Variants in MICAL3 observed in about 807,000 individuals in gnomAD.
The protein encoded by MICAL3 is microtubule associated monooxygenase, calponin and LIM domain containing 3, also known as [F-actin]-monooxygenase MICAL3.
MICAL3 carries 62 observed loss-of-function variants against 207.4 expected under a neutral mutation model. That is an observed-to-expected ratio of 0.30 (90% CI 0.24 to 0.37). The LOEUF is 0.37. Among genes scored for constraint, MICAL3 ranks in the 10% least tolerant of loss-of-function variants. MICAL3 has a pLI of 1.00. For synonymous variants in MICAL3, 1,077 were observed against 1,069.3 expected (o/e 1.01, Z -0.14); for missense variants, 2,368 against 2,635.6 (o/e 0.90, Z 2.22).
chr22:18,018,113 A>G (rs1468434407), intron 1 of MICAL3, among the ~76,000 whole-genome samples: 3 of 151,964 alleles, frequency 2.0e-5, no homozygotes, highest in African/African-American at 7.3e-5. Flanking sequence ...TGACCTCGTG[A>G]TCCGCCTGCC....
chr22:17,877,815 T>G (rs1205333720), intron 16 of MICAL3, among the ~76,000 whole-genome samples: 3 of 152,086 alleles, frequency 2.0e-5, no homozygotes, highest in Non-Finnish European at 4.4e-5. Context: ...TCACTGCCAA[T>G]CTCTCCTATT....
intron 19 of MICAL3, chr22:17,864,693 T>G (rs1393932713): frequency 1.9e-6 from 3 of 1,611,624 alleles, no homozygotes; most frequent in South Asian, 2.2e-5. Context: ...CCCCTCTGAT[T>G]TGCACCAGCA....
At chr22:17,974,634 G>T (rs1312140107) in intron 1 of MICAL3, among the ~76,000 whole-genome samples, 1 of 150,670 alleles carries the variant, frequency 6.6e-6, no homozygotes, top group Non-Finnish European at 1.5e-5. Flanking sequence ...TGAGGCAGGA[G>T]AATCGCTTGA....
intron 11 of MICAL3, 123 bp from the exon 12 acceptor site, chr22:17,891,755 C>G (rs1930409650): frequency 9.9e-6 from 8 of 807,578 alleles, no homozygotes; most frequent in Middle Eastern, 3.2e-4. Flanking sequence ...AAACAGTCAA[C>G]ACTAGTTTCC....
intron 1 of MICAL3, among the ~76,000 whole-genome samples, chr22:17,935,699 C>A (rs546329743): frequency 1.3e-5 from 2 of 152,270 alleles, no homozygotes; most frequent in South Asian, 4.1e-4. Context: ...GGGCTAATAT[C>A]CAGAATTTAC....
chr22:18,020,613 T>TAAAAAAAAAAAAAAA (rs55654559), intron 1 of MICAL3, among the ~76,000 whole-genome samples: 3 of 119,734 alleles, frequency 2.5e-5, no homozygotes, highest in Non-Finnish European at 3.4e-5. Flanking sequence ...CTTTAAAAAG[T>TAAAAAAAAAAAAAAA]AAAAAAAAAA....
At chr22:17,997,676 C>G (rs60293639) in intron 1 of MICAL3, among the ~76,000 whole-genome samples, 6,911 of 152,188 alleles carry the variant, frequency 0.045, 509 homozygotes, top group African/African-American at 0.16. Context: ...TTGAACCCAG[C>G]CCTGCTTTCA....
intron 1 of MICAL3, among the ~76,000 whole-genome samples, chr22:17,931,688 G>A (rs1041136771): frequency 1.3e-5 from 2 of 152,218 alleles, no homozygotes; most frequent in Non-Finnish European, 2.9e-5. Flanking sequence ...GACATGTGGA[G>A]GAAGGGCAGG....
intron 1 of MICAL3, among the ~76,000 whole-genome samples, chr22:17,923,818 C>G (rs1932852554): frequency 1.3e-5 from 2 of 152,202 alleles, no homozygotes; most frequent in South Asian, 4.1e-4. Flanking sequence ...AAGTCTAACT[C>G]CAGGGAAGCC....
At chr22:17,801,776 C>A (rs2061942529) in intron 29 of MICAL3, among the ~76,000 whole-genome samples, 1 of 152,050 alleles carries the variant, frequency 6.6e-6, no homozygotes, top group Non-Finnish European at 1.5e-5. Flanking sequence ...TACCCGTAAT[C>A]CCAGCTACTC....
rs12484946 is a variant in MICAL3, at chr22:17,876,443, C to T, written c.2242-4420G>A. The T allele has an allele frequency of 3.3e-3, 505 of 152,496 alleles. 9 individuals are homozygous for T. Among genetic ancestry groups the T allele is most frequent in the Admixed American group, 0.03 (462 of 15,300 alleles). 9.4% of individuals were successfully genotyped at this position (152,496 alleles called of 1,614,324 possible). A position where few individuals can be genotyped will look rare whatever the true frequency, so the allele number is the denominator to read the frequency against. On this transcript the variant is annotated intron_variant, in intron 16 of 31. Coordinates refer to ENST00000441493, the MANE Select transcript of MICAL3 (RefSeq NM_015241.3). ...TGCACTTCATAGCTCCGTGGGGTGG[C>T]GACATAGACTGGCAGTTACCTGGTA...
At chr22:17,816,530 G>T (rs563346027) in intron 27 of MICAL3, among the ~76,000 whole-genome samples, 160 bp downstream of exon 27, 1 of 152,346 alleles carries the variant, frequency 6.6e-6, no homozygotes, top group African/African-American at 2.4e-5. Context: ...CAGCGTGACC[G>T]CCTCAGTGCA....
At chr22:17,942,680 T>C (rs1271601568) in intron 1 of MICAL3, among the ~76,000 whole-genome samples, 1 of 152,226 alleles carries the variant, frequency 6.6e-6, no homozygotes, top group Non-Finnish European at 1.5e-5. Context: ...GGCCTCACAC[T>C]AGGCTTCCAG....
At position 17,896,892 on chromosome 22, in the gene MICAL3, A is replaced by G. The variant is rs973271098; in HGVS notation, c.1038T>C (p.Ser346=). 4 of 1,614,074 alleles carry G rather than the reference A, an allele frequency of 2.5e-6. No individual in the cohort carries two copies. Among genetic ancestry groups the G allele is most frequent in the Non-Finnish European group, 3.4e-6 (4 of 1,179,940 alleles). Residue 346 remains serine, a synonymous_variant, in exon 8 of 32, where the codon TCT becomes TCC. Transcript: ENST00000441493. ...CCAGAGACGGCAGCTGCTGCTGGGT[A>G]GAGAAGTCTGCCGCCTCCCTGGCAT... The part of the protein sequence containing the change: ...LSYAREAADF[S]TQQQLPSLDF...
chr22:17,996,681 A>G (rs401910), intron 1 of MICAL3, among the ~76,000 whole-genome samples: 90,825 of 151,968 alleles, frequency 0.6, 27,856 homozygotes, highest in African/African-American at 0.73. Context: ...GCTGAATTCT[A>G]AAGACTGGAA....
chr22:17,954,914 C>T lies in MICAL3; in HGVS notation c.-74-48028G>A, dbSNP rs563914992. On this transcript the variant is annotated intron_variant, in intron 1 of 31. Coordinates refer to ENST00000441493, the MANE Select transcript of MICAL3 (RefSeq NM_015241.3). ...AATTTTTGTATTTTTAGTAGAGACGCTGTTTCACCATGTTGGCTAGGCTGG... is the reference window on the plus strand; with the variant it reads ...AATTTTTGTATTTTTAGTAGAGACGTTGTTTCACCATGTTGGCTAGGCTGG... Among the ~76,000 whole-genome samples, 7 of 151,954 alleles carry T rather than the reference C, an allele frequency of 4.6e-5. 1 individual carries two copies. The highest frequency in any genetic ancestry group is 8.8e-5 in the Non-Finnish European group (6 of 67,980).
chr22:17,794,201 A>G (rs1484029570), intron 29 of MICAL3, among the ~76,000 whole-genome samples: 1 of 152,230 alleles, frequency 6.6e-6, no homozygotes, highest in Non-Finnish European at 1.5e-5. Flanking sequence ...TCAGGAGGGC[A>G]GTGGCATCTG....
chr22:17,892,425 G>A (rs1432822410), intron 11 of MICAL3, among the ~76,000 whole-genome samples: 3 of 152,128 alleles, frequency 2.0e-5, no homozygotes, highest in Non-Finnish European at 4.4e-5. Flanking sequence ...TTCCCTTACC[G>A]AGGGCAACTG....
chr22:17,877,207 T>TGGAGGTTAGGGAGGTTAG (rs1569110010), intron 16 of MICAL3, among the ~76,000 whole-genome samples: 1 of 9,976 alleles, frequency 1.0e-4, no homozygotes, highest in Admixed American at 9.4e-4. Flanking sequence ...AGGGAGGTTA[T>TGGAGGTTAGGGAGGTTAG]GGAGGTTATG....
Sources: allele counts gnomAD v4.1 joint callset (sites outside exome capture counted in the v4.1 genomes callset), GRCh38; gene constraint gnomAD v4.1.1; transcripts MANE v1.5; gene names NCBI Gene and HGNC (gene_info 2026-07-23, HGNC 2026-07-21).